The following NRXN1 variants were observed in gnomAD, a reference collection of about 807,000 sequenced individuals.
NRXN1 encodes the protein neurexin 1.
Under a neutral mutation model 150.9 loss-of-function variants are expected in NRXN1, and 39 were observed. That is an observed-to-expected ratio of 0.26 (90% CI 0.20 to 0.34). The LOEUF (loss-of-function observed/expected upper bound fraction) is 0.34. Ranked by LOEUF, NRXN1 falls within the 10% of genes least tolerant of loss-of-function variation. The probability of loss-of-function intolerance (pLI) is 1.00; values close to 1 mark genes in which losing one functional copy is unlikely to be tolerated. For missense variants in NRXN1, 1,815 were observed against 1,949.9 expected, an observed-to-expected ratio of 0.93 and a Z score of 1.30; for synonymous variants, 924 against 757.0, an observed-to-expected ratio of 1.22 and a Z score of -3.62.
intron 17 of NRXN1, among the ~76,000 whole-genome samples, chr2:50,290,854 G>A (rs1052782531): frequency 1.1e-4 from 16 of 152,162 alleles, no homozygotes; most frequent in Non-Finnish European, 2.4e-4. Context: ...GCACTCTGCT[G>A]CATGTGGCTG....
intron 17 of NRXN1, among the ~76,000 whole-genome samples, chr2:50,283,536 T>C (rs1186367195): frequency 1.3e-5 from 2 of 152,176 alleles, no homozygotes; most frequent in African/African-American, 2.4e-5. Context: ...TAGCTTTGGA[T>C]ATCTATTATA....
chr2:49,974,493 T>C (rs1288404968), intron 21 of NRXN1, among the ~76,000 whole-genome samples: 1 of 152,040 alleles, frequency 6.6e-6, no homozygotes, highest in African/African-American at 2.4e-5. Context: ...GAGGGGAAAC[T>C]TTTTTTTCCC....
At position 50,019,132 on chromosome 2, in the gene NRXN1, G is replaced by A. The variant is rs889189193; in HGVS notation, c.4128+34139C>T. On this transcript the variant is annotated intron_variant, in intron 21 of 22. Coordinates refer to ENST00000401669, the MANE Select transcript of NRXN1 (RefSeq NM_001330078.2). The stretch of plus-strand genomic sequence containing the variant: ...CTCATCTGTGCTTTCATCATCCCTA[G>A]GGTATAGGGTTCGATTACTCATCCT... 8 of 464,286 alleles carry A rather than the reference G, an allele frequency of 1.7e-5. 2 individuals are homozygous for A. The Admixed American group carries it at 1.9e-4, about 11-fold the overall frequency. 28.8% of individuals were successfully genotyped at this position (464,286 alleles called of 1,614,324 possible).
intron 18 of NRXN1, among the ~76,000 whole-genome samples, chr2:50,156,712 G>C (rs1418592508): frequency 6.6e-6 from 1 of 151,832 alleles, no homozygotes; most frequent in African/African-American, 2.4e-5. Flanking sequence ...TTCATTGAAA[G>C]GAAATTATAT....
chr2:50,226,227 T>C (rs901919330), intron 18 of NRXN1, among the ~76,000 whole-genome samples: 1 of 152,034 alleles, frequency 6.6e-6, no homozygotes, highest in Non-Finnish European at 1.5e-5. Context: ...CTTACATATG[T>C]AAACTTAGAA....
At chr2:50,882,338 T>C (rs1679569618) in intron 5 of NRXN1, among the ~76,000 whole-genome samples, 1 of 151,950 alleles carries the variant, frequency 6.6e-6, no homozygotes, top group Admixed American at 6.6e-5. Flanking sequence ...AAAAAGTATA[T>C]AATAACTTCA....
At chr2:50,814,469 T>C (rs1467145102) in intron 5 of NRXN1, among the ~76,000 whole-genome samples, 2 of 152,142 alleles carry the variant, frequency 1.3e-5, no homozygotes, top group African/African-American at 4.8e-5. Context: ...TGCTTACATT[T>C]TACTTGGCAA....
intron 5 of NRXN1, among the ~76,000 whole-genome samples, chr2:50,627,396 C>T (rs13410781): frequency 0.014 from 1,286 of 94,076 alleles, 23 homozygotes; most frequent in East Asian, 0.037. Context: ...TGTGTGTGTG[C>T]GCATACTAAT....
intron 18 of NRXN1, among the ~76,000 whole-genome samples, chr2:50,109,418 T>C (rs1242008352): frequency 6.6e-6 from 1 of 152,132 alleles, no homozygotes; most frequent in Non-Finnish European, 1.5e-5. Context: ...TGATAATCAC[T>C]GCTCAGCCAC....
chr2:50,169,323 C>A (rs1377788535), intron 18 of NRXN1, among the ~76,000 whole-genome samples: 2 of 152,160 alleles, frequency 1.3e-5, no homozygotes, highest in Non-Finnish European at 1.5e-5. Flanking sequence ...TGAGAACAAG[C>A]AATGGGTACC....
At chr2:50,174,125 C>A (rs2060203382) in intron 18 of NRXN1, among the ~76,000 whole-genome samples, 1 of 152,096 alleles carries the variant, frequency 6.6e-6, no homozygotes, top group Non-Finnish European at 1.5e-5. Context: ...ACTACTTCAT[C>A]ACCTCAGAAA....
At position 50,592,146 on chromosome 2, in the gene NRXN1, T is replaced by TA. The variant is rs548368880; in HGVS notation, c.1320+27875dup. 6.2e-4 allele frequency among the ~76,000 whole-genome samples: 95 copies of TA among 152,340 alleles called. 1 individual carries two copies. Among genetic ancestry groups the TA allele is most frequent in the African/African-American group, 2.2e-3 (92 of 41,592 alleles). ...AATCCTCACTATAAACTGTGCTTGC[T>TA]AGCTACTACGACTACTCTAATTACC... On this transcript the variant is annotated intron_variant, in intron 8 of 22. Transcript: ENST00000401669.
At chr2:50,065,830 C>T (rs114582068) in intron 19 of NRXN1, among the ~76,000 whole-genome samples, 2,113 of 152,190 alleles carry the variant, frequency 0.014, 50 homozygotes, top group African/African-American at 0.048. Context: ...TCCAGAAACA[C>T]GTTGGAAATG....
intron 18 of NRXN1, among the ~76,000 whole-genome samples, chr2:50,112,267 T>C (rs1702470250): frequency 1.3e-5 from 2 of 152,340 alleles, no homozygotes; most frequent in Middle Eastern, 3.4e-3. Flanking sequence ...CACTTTATCT[T>C]GGGCTTAAAC....
chr2:50,394,661 A>G (rs996419101), intron 17 of NRXN1, among the ~76,000 whole-genome samples: 2 of 152,004 alleles, frequency 1.3e-5, no homozygotes, highest in Non-Finnish European at 2.9e-5. Context: ...CTTCTCTGCA[A>G]TCTATTGTCC....
intron 2 of NRXN1, among the ~76,000 whole-genome samples, chr2:50,970,072 G>A (rs894710669): frequency 2.0e-5 from 3 of 152,094 alleles, no homozygotes; most frequent in Non-Finnish European, 4.4e-5. Context: ...ACCCCTTCTG[G>A]AATGGGAGTT....
chr2:50,207,969 C>A (rs1352450548), intron 18 of NRXN1, among the ~76,000 whole-genome samples: 2 of 152,068 alleles, frequency 1.3e-5, no homozygotes, highest in Non-Finnish European at 2.9e-5. Flanking sequence ...TAGGCCCAGC[C>A]TCTTCTTAGC....
intron 17 of NRXN1, among the ~76,000 whole-genome samples, chr2:50,442,743 G>C (rs1322209291): frequency 6.6e-6 from 1 of 152,124 alleles, no homozygotes; most frequent in African/African-American, 2.4e-5. Flanking sequence ...TAAGTGAGGA[G>C]ACTTCTGGAA....
intron 17 of NRXN1, among the ~76,000 whole-genome samples, chr2:50,428,327 A>G (rs1035098903): frequency 6.6e-6 from 1 of 152,126 alleles, no homozygotes; most frequent in African/African-American, 2.4e-5. Flanking sequence ...AGGTGGGAAG[A>G]TCACCTAAGC....
Sources: gnomAD v4.1 joint callset for allele counts (sites outside exome capture counted in the v4.1 genomes callset) on GRCh38, gnomAD v4.1.1 for gene constraint, MANE v1.5 for transcripts, NCBI Gene and HGNC (gene_info 2026-07-23, HGNC 2026-07-21) for gene names.